Variants in TSC22D1 observed in about 807,000 individuals in gnomAD.
The protein encoded by TSC22D1 is TSC22 domain family member 1, also known as TSC22 domain family protein 1.
A neutral mutation model predicts 74.2 loss-of-function variants in TSC22D1; 9 were observed. The ratio of observed to expected loss-of-function variants is 0.12; its 90% CI spans 0.07 to 0.21. TSC22D1 has a LOEUF of 0.21. TSC22D1 is among the 10% of genes least tolerant of loss of function. The pLI, the probability that TSC22D1 is intolerant of heterozygous loss-of-function variation, is 1.00. For synonymous variants in TSC22D1, 586 were observed against 492.5 expected (o/e 1.19, Z -2.51); for missense variants, 1,427 against 1,304.7 (o/e 1.09, Z -1.44).
chr13:44,561,315 C>T (rs182245648), intron 1 of TSC22D1, among the ~76,000 whole-genome samples: 1 of 152,128 alleles, frequency 6.6e-6, no homozygotes, highest in African/African-American at 2.4e-5. Flanking sequence ...TTCTCATACT[C>T]AATTAAGGAA....
At chr13:44,529,899 T>TA (rs1274514009) in intron 1 of TSC22D1, among the ~76,000 whole-genome samples, 1 of 151,878 alleles carries the variant, frequency 6.6e-6, no homozygotes, top group East Asian at 1.9e-4. Flanking sequence ...AGGAAAAAGC[T>TA]AAAAAATGCT....
chr13:44,539,849 T>C (rs1689238110), intron 1 of TSC22D1: 2 of 1,289,542 alleles, frequency 1.6e-6, no homozygotes, highest in African/African-American at 3.0e-5. Flanking sequence ...ACCCCTGACG[T>C]CAAAAGCTCT....
At position 44,575,946 on chromosome 13, in the gene TSC22D1, T is replaced by G. The variant is rs1003409859; in HGVS notation, c.129A>C (p.Ala43=). ...SGSGSASALN[A]AGTGVGSNAT... ...CATTACTACCGACGCCGGTACCTGC[T>G]GCATTGAGAGCAGAGGCGCTGCCAC... The change falls in exon 1 of 3, where the codon GCA becomes GCC. Residue 43 remains alanine (A), a synonymous_variant. Transcript: ENST00000458659. 2 of 1,610,998 alleles carry G rather than the reference T, an allele frequency of 1.2e-6. No homozygotes were observed. The highest frequency in any genetic ancestry group is 2.7e-5 in the African/African-American group (2 of 74,876).
chr13:44,483,871 C>A (rs1245040253), intron 1 of TSC22D1, among the ~76,000 whole-genome samples: 2 of 152,116 alleles, frequency 1.3e-5, no homozygotes, highest in Non-Finnish European at 2.9e-5. Flanking sequence ...ATTATTCTGA[C>A]CTAACAGTAG....
chr13:44,448,327 C>T (rs1875847838), intron 1 of TSC22D1, among the ~76,000 whole-genome samples: 1 of 152,106 alleles, frequency 6.6e-6, no homozygotes, highest in Non-Finnish European at 1.5e-5. Flanking sequence ...CAACGATAAG[C>T]AGTCCTAAAA....
chr13:44,571,757 G>A (rs974526676), intron 1 of TSC22D1, among the ~76,000 whole-genome samples: 6 of 152,058 alleles, frequency 3.9e-5, no homozygotes, highest in African/African-American at 1.4e-4. Context: ...TTATCTTTTA[G>A]AGTACAGTTT....
At position 44,434,326 on chromosome 13, in the gene TSC22D1, G is replaced by A. The variant is rs1398329427; in HGVS notation, c.*300C>T. The A allele has an allele frequency of 3.6e-6, 5 of 1,376,614 alleles. No individual in the cohort carries two copies. Among genetic ancestry groups the A allele is most frequent in the East Asian group, 2.9e-5 (1 of 34,462 alleles). 85.3% of individuals were successfully genotyped at this position (1,376,614 alleles called of 1,614,324 possible). A position where few individuals can be genotyped will look rare whatever the true frequency, so the allele number is the denominator to read the frequency against. ...GGTAGGGAGCCGGAAGGGATGGAAAGGCACACAGCTCCTGAGCATGAATTA... is the reference window on the plus strand; with the variant it reads ...GGTAGGGAGCCGGAAGGGATGGAAAAGCACACAGCTCCTGAGCATGAATTA... On this transcript the variant is annotated 3_prime_UTR_variant, in exon 3 of 3. Coordinates refer to ENST00000458659, the MANE Select transcript of TSC22D1 (RefSeq NM_183422.4).
At chr13:44,555,911 T>G (rs1219193685) in intron 1 of TSC22D1, among the ~76,000 whole-genome samples, 1 of 152,056 alleles carries the variant, frequency 6.6e-6, no homozygotes, top group Non-Finnish European at 1.5e-5. Flanking sequence ...AGAATGGCAA[T>G]TTTAGGCTGT....
intron 1 of TSC22D1, chr13:44,474,095 C>A (rs766272831): frequency 2.6e-5 from 8 of 307,600 alleles, no homozygotes; most frequent in Non-Finnish European, 3.8e-5. Flanking sequence ...CTGAACTGAA[C>A]CTTATTTCAC....
intron 1 of TSC22D1, among the ~76,000 whole-genome samples, chr13:44,475,465 C>CAA (rs11359696): frequency 0.012 from 1,565 of 132,130 alleles, 19 homozygotes; most frequent in Non-Finnish European, 0.016. Flanking sequence ...CAAACAAAAG[C>CAA]AAAAAAAAAA....
At position 44,432,925 on chromosome 13, in the gene TSC22D1, TG is replaced by T. The variant is rs1312195975; in HGVS notation, c.*1700del. ...CAGGATTCCTTCGTGGTTTTAATTT[TG>T]GCCTGTTTTATAGTCATGCAGAATC... On this transcript the variant is annotated 3_prime_UTR_variant, in exon 3 of 3. Transcript: ENST00000458659. The T allele has an allele frequency of 3.3e-5, 5 of 152,228 alleles. No individual in the cohort carries two copies. Among genetic ancestry groups the T allele is most frequent in the African/African-American group, 1.2e-4 (5 of 41,446 alleles). 9.4% of individuals were successfully genotyped at this position (152,228 alleles called of 1,614,324 possible).
intron 1 of TSC22D1, chr13:44,436,700 ATCT>A (rs1311742307): frequency 2.1e-5 from 32 of 1,521,544 alleles, no homozygotes; most frequent in Middle Eastern, 1.8e-4. Flanking sequence ...GCTAGATAAA[ATCT>A]TCTGGCTTTC....
intron 1 of TSC22D1, among the ~76,000 whole-genome samples, chr13:44,520,966 G>T (rs145308344): frequency 1.3e-5 from 2 of 152,246 alleles, no homozygotes; most frequent in African/African-American, 4.8e-5. Context: ...ACCATCCCAG[G>T]AGGTAGGTGT....
chr13:44,467,602 C>G (rs1015959352), intron 1 of TSC22D1, among the ~76,000 whole-genome samples: 1 of 151,916 alleles, frequency 6.6e-6, no homozygotes, highest in Admixed American at 6.6e-5. Context: ...AGATATTTCT[C>G]AAAAGAAGAT....
chr13:44,476,058 T>C (rs1396467525), intron 1 of TSC22D1, among the ~76,000 whole-genome samples: 2 of 152,150 alleles, frequency 1.3e-5, no homozygotes, highest in African/African-American at 4.8e-5. Context: ...CAAAAAATAT[T>C]TGGAAGAGGC....
chr13:44,572,803 T>A (rs1441751152), intron 1 of TSC22D1, among the ~76,000 whole-genome samples: 1 of 152,252 alleles, frequency 6.6e-6, no homozygotes, highest in Non-Finnish European at 1.5e-5. Flanking sequence ...CCCAAGAGAT[T>A]ATTTTAGCAG....
At chr13:44,525,197 A>C (rs2138050590) in intron 1 of TSC22D1, among the ~76,000 whole-genome samples, 1 of 152,330 alleles carries the variant, frequency 6.6e-6, no homozygotes, top group Non-Finnish European at 1.5e-5. Context: ...TAATCACAGG[A>C]CTACATACAG....
intron 1 of TSC22D1, among the ~76,000 whole-genome samples, chr13:44,453,366 C>T: frequency 6.6e-6 from 1 of 152,200 alleles, no homozygotes; most frequent in East Asian, 1.9e-4. Flanking sequence ...GTTATAAATA[C>T]AGCAGAATAA....
At chr13:44,498,911 C>A (rs1879098636) in intron 1 of TSC22D1, among the ~76,000 whole-genome samples, 1 of 152,024 alleles carries the variant, frequency 6.6e-6, no homozygotes, top group African/African-American at 2.4e-5. Context: ...ACTTTTTAAT[C>A]CTTCTTATTA....
Sources: allele counts gnomAD v4.1 joint callset (sites outside exome capture counted in the v4.1 genomes callset), GRCh38; gene constraint gnomAD v4.1.1; transcripts MANE v1.5; gene names NCBI Gene and HGNC (gene_info 2026-07-23, HGNC 2026-07-21).